TRIM44: variants seen among roughly 807,000 people sequenced by gnomAD.
TRIM44 encodes the protein tripartite motif containing 44, also known as tripartite motif-containing protein 44.
Under a neutral mutation model 37.4 loss-of-function variants are expected in TRIM44, and 13 were observed. That is an observed-to-expected ratio of 0.35 (90% CI 0.23 to 0.55). TRIM44 has a LOEUF of 0.55. TRIM44 is among the 20% of genes least tolerant of loss of function. TRIM44 has a pLI of 0.89. For missense variants in TRIM44, 426 were observed against 437.2 expected (o/e 0.97, Z 0.23); for synonymous variants, 175 against 157.2 (o/e 1.11, Z -0.85).
chr11:35,696,037 G>T (rs1414119040), intron 2 of TRIM44, among the ~76,000 whole-genome samples: 1 of 151,566 alleles, frequency 6.6e-6, no homozygotes, highest in Non-Finnish European at 1.5e-5. Context: ...TTTGATTTTG[G>T]TACCCCATCA....
intron 1 of TRIM44, among the ~76,000 whole-genome samples, chr11:35,672,574 G>A (rs1332456946): frequency 2.0e-5 from 3 of 152,164 alleles, no homozygotes; most frequent in African/African-American, 7.2e-5. Flanking sequence ...ATGGATATTT[G>A]GGGAGAATGT....
intron 4 of TRIM44, among the ~76,000 whole-genome samples, chr11:35,772,821 G>A (rs540463331): frequency 7.9e-5 from 12 of 152,130 alleles, no homozygotes; most frequent in East Asian, 1.9e-4. Flanking sequence ...GGACTTCTGC[G>A]TTAATGCTGA....
At chr11:35,718,555 T>C (rs1252589967) in intron 2 of TRIM44, among the ~76,000 whole-genome samples, 1 of 152,192 alleles carries the variant, frequency 6.6e-6, no homozygotes, top group Non-Finnish European at 1.5e-5. Context: ...TTTGTTTTCA[T>C]TGGTGAAGCT....
intron 4 of TRIM44, among the ~76,000 whole-genome samples, chr11:35,776,521 T>C (rs1852964968): frequency 1.3e-5 from 2 of 152,368 alleles, no homozygotes; most frequent in South Asian, 4.1e-4. Flanking sequence ...TGCTTGCTCT[T>C]GCTTCTTTAC....
At chr11:35,778,473 C>T (rs532703551) in intron 4 of TRIM44, among the ~76,000 whole-genome samples, 2 of 152,200 alleles carry the variant, frequency 1.3e-5, no homozygotes, top group Non-Finnish European at 2.9e-5. Flanking sequence ...TCGTCAAAGT[C>T]ATTCTCCATC....
chr11:35,748,092 GC>G (rs1299656601), intron 4 of TRIM44, among the ~76,000 whole-genome samples: 1 of 152,090 alleles, frequency 6.6e-6, no homozygotes, highest in Non-Finnish European at 1.5e-5. Context: ...TTAAGGAATC[GC>G]CTGAGGAAAG....
At position 35,810,245 on chromosome 11, in the gene TRIM44, C is replaced by T. The variant is rs897216082; in HGVS notation, c.*3860C>T. The T allele has an allele frequency of 6.6e-6, 1 of 152,134 alleles. No individual in the cohort carries two copies. The highest frequency in any genetic ancestry group is 1.5e-5 in the Non-Finnish European group (1 of 68,028). The allele number at this position is 152,134 out of a possible 1,614,324, so 9.4% of individuals were successfully genotyped here. A position where few individuals can be genotyped will look rare whatever the true frequency, so the allele number is the denominator to read the frequency against. ...TAGTTGTGGCAGGGTCTAGGAAGTC[C>T]TCTCTCCCCAAGTAGAAAATATTCT... On this transcript the variant is annotated 3_prime_UTR_variant, in exon 5 of 5. Coordinates refer to ENST00000299413, the MANE Select transcript of TRIM44 (RefSeq NM_017583.6).
chr11:35,757,858 C>T (rs953408010), intron 4 of TRIM44, among the ~76,000 whole-genome samples: 2 of 152,108 alleles, frequency 1.3e-5, no homozygotes, highest in Admixed American at 1.3e-4. Flanking sequence ...ACTGTGGTCT[C>T]AGAGACAATT....
At chr11:35,670,533 C>T (rs903624048) in intron 1 of TRIM44, among the ~76,000 whole-genome samples, 10 of 152,080 alleles carry the variant, frequency 6.6e-5, no homozygotes, top group African/African-American at 2.2e-4. Context: ...TATTCTTCTA[C>T]GCTTTGTTTT....
At chr11:35,680,382 T>C (rs138131996) in intron 1 of TRIM44, among the ~76,000 whole-genome samples, 2 of 152,316 alleles carry the variant, frequency 1.3e-5, no homozygotes, top group East Asian at 3.9e-4. Flanking sequence ...TACATACCTA[T>C]GTCACTCATA....
intron 4 of TRIM44, 61 bp downstream of exon 4, chr11:35,735,506 T>C (rs1852317348): frequency 6.5e-7 from 1 of 1,534,810 alleles, no homozygotes; most frequent in East Asian, 2.3e-5. Context: ...TTTGTGGCCT[T>C]TTAGTGCTCC....
chr11:35,788,924 A>G (rs1853164428), intron 4 of TRIM44, among the ~76,000 whole-genome samples: 1 of 152,186 alleles, frequency 6.6e-6, no homozygotes, highest in Non-Finnish European at 1.5e-5. Context: ...TTACAGACAG[A>G]ATTATCACTC....
At position 35,751,025 on chromosome 11, in the gene TRIM44, T is replaced by A. The variant is rs1852553129; in HGVS notation, c.1007+15580T>A. ...GTTCTTTTTGTCTTAATAATGTGATTTTTTTCCTATTTTTAGTAATAACAA... is the reference window on the plus strand; with the variant it reads ...GTTCTTTTTGTCTTAATAATGTGATATTTTTCCTATTTTTAGTAATAACAA... On this transcript the variant is annotated intron_variant, in intron 4 of 4. Transcript: ENST00000299413. Among the ~76,000 whole-genome samples, 6 of 152,282 alleles carry A rather than the reference T, an allele frequency of 3.9e-5. No individual in the cohort carries two copies. The South Asian group carries it at 1.2e-3, about 32-fold the overall frequency.
At chr11:35,762,944 A>C (rs1203339416) in intron 4 of TRIM44, among the ~76,000 whole-genome samples, 1 of 152,202 alleles carries the variant, frequency 6.6e-6, no homozygotes, top group Non-Finnish European at 1.5e-5. Context: ...TGATCCATTC[A>C]TTCAGTTAAA....
At chr11:35,690,923 C>T (rs1040954331) in intron 2 of TRIM44, among the ~76,000 whole-genome samples, 1 of 152,204 alleles carries the variant, frequency 6.6e-6, no homozygotes, top group African/African-American at 2.4e-5. Context: ...CACCCATACA[C>T]TGTTATTGAA....
At position 35,685,351 on chromosome 11, in the gene TRIM44, GA is replaced by G. The variant is rs750294285; in HGVS notation, c.747+17del. On this transcript the variant is annotated intron_variant, in intron 2 of 4. Transcript: ENST00000299413. ...CAGACCCTAAAGTAAGTATTGTTTG[GA>G]ATTGATTGGGTGTTGGTACCCCAAG... The G allele has an allele frequency of 2.4e-5, 38 of 1,610,998 alleles. No homozygotes were observed. In the East Asian group the frequency reaches 8.0e-4, roughly 34 times the overall value.
intron 1 of TRIM44, among the ~76,000 whole-genome samples, chr11:35,667,573 A>G (rs1013078896): frequency 2.2e-4 from 34 of 152,102 alleles, no homozygotes; most frequent in Admixed American, 1.7e-3. Context: ...GTGTCTTGCT[A>G]TGTTGCCCAA....
intron 4 of TRIM44, among the ~76,000 whole-genome samples, chr11:35,800,978 G>A (rs1322839520): frequency 6.6e-6 from 1 of 152,144 alleles, no homozygotes; most frequent in Non-Finnish European, 1.5e-5. Context: ...ATAGACCAAG[G>A]ACATTTTACT....
At chr11:35,782,185 C>T (rs1853074486) in intron 4 of TRIM44, among the ~76,000 whole-genome samples, 1 of 152,070 alleles carries the variant, frequency 6.6e-6, no homozygotes, top group African/African-American at 2.4e-5. Context: ...TTGTGAAGTC[C>T]AGCGGGTGGG....
Sources: gnomAD v4.1 joint callset for allele counts (sites outside exome capture counted in the v4.1 genomes callset) on GRCh38, gnomAD v4.1.1 for gene constraint, MANE v1.5 for transcripts, NCBI Gene and HGNC (gene_info 2026-07-23, HGNC 2026-07-21) for gene names.